Variants in LAMA2 observed in about 807,000 individuals in gnomAD.
The protein encoded by LAMA2 is laminin subunit alpha-2.
A neutral mutation model predicts 364.8 loss-of-function variants in LAMA2; 269 were observed. The ratio of observed to expected loss-of-function variants is 0.74; its 90% CI spans 0.67 to 0.82. The LOEUF is 0.82. Among genes scored for constraint, LAMA2 ranks in the 40% least tolerant of loss-of-function variants. The pLI, the probability that LAMA2 is intolerant of heterozygous loss-of-function variation, is 0.00. For missense variants in LAMA2, 3,807 were observed against 3,873.2 expected (o/e 0.98, Z 0.45); for synonymous variants, 1,379 against 1,370.6 (o/e 1.01, Z -0.14).
rs952931278 is a variant in LAMA2 at position 128,883,451 on chromosome 6, C to A, written c.112+94C>A. Reference sequence around the variant, plus strand: ...TCCGAGAGTTGCTGTCTGTGGACTGCCGTCTTGCTTCGCCTTCAGAGAGTG... The same window carrying A: ...TCCGAGAGTTGCTGTCTGTGGACTGACGTCTTGCTTCGCCTTCAGAGAGTG... On this transcript the variant is annotated intron_variant, in intron 1 of 64. Transcript: ENST00000421865. 59 of 1,535,486 alleles carry A rather than the reference C, an allele frequency of 3.8e-5. No individual in the cohort carries two copies. In the East Asian group the frequency reaches 1.4e-3, roughly 36 times the overall value.
rs368120033 is a variant in LAMA2 at position 129,312,992 on chromosome 6, C to T, written c.3306C>T (p.Arg1102=). The change falls in exon 23 of 65, where the codon CGC becomes CGT. Residue 1102 remains arginine (R), a synonymous_variant. Transcript: ENST00000421865. ...ECSRGHWNYP[R]CNLCDCFLPG... is the part of the protein sequence containing the mutation. The stretch of plus-strand genomic sequence containing the variant: ...GTCGAGGTCACTGGAACTACCCTCG[C>T]TGCAATCTCTGTGACTGCTTCCTCC... The T allele has an allele frequency of 6.2e-6, 10 of 1,614,034 alleles. No individual in the cohort carries two copies. In the African/African-American group the frequency reaches 1.3e-4, roughly 22 times the overall value.
chr6:129,391,436 T>A (rs1364320631), intron 35 of LAMA2, 55 bp from the exon 36 acceptor site: 8 of 1,436,784 alleles, frequency 5.6e-6, no homozygotes, highest in Admixed American at 3.3e-5. Context: ...GAATACCATG[T>A]TTTCATGTGG....
intron 3 of LAMA2, among the ~76,000 whole-genome samples, chr6:129,071,372 A>AT (rs967775087): frequency 6.6e-6 from 1 of 151,686 alleles, no homozygotes; most frequent in Admixed American, 6.6e-5. Context: ...GGCTTGATTG[A>AT]TTTTCTCTAT....
chr6:129,248,306 T>A (rs994598889), intron 12 of LAMA2, among the ~76,000 whole-genome samples: 7 of 152,212 alleles, frequency 4.6e-5, no homozygotes, highest in Non-Finnish European at 1.0e-4. Context: ...GCTGCAAGTT[T>A]CCATTATATG....
At chr6:129,342,571 C>A in intron 30 of LAMA2, 104 bp downstream of exon 30, 2 of 1,083,440 alleles carry the variant, frequency 1.8e-6, no homozygotes, top group Non-Finnish European at 2.7e-6. Context: ...ACAAAAATCT[C>A]AATTTAAGAT....
At chr6:129,347,781 T>A (rs987454572) in intron 30 of LAMA2, among the ~76,000 whole-genome samples, 2 of 152,178 alleles carry the variant, frequency 1.3e-5, no homozygotes, top group Non-Finnish European at 2.9e-5. Context: ...ATGGAATCCC[T>A]ACTCCCTCCA....
intron 1 of LAMA2, chr6:128,930,026 G>T: frequency 2.1e-6 from 1 of 472,664 alleles, no homozygotes; most frequent in Non-Finnish European, 3.8e-6. Context: ...CGGCGTTGCA[G>T]AGCACGGGGC....
intron 2 of LAMA2, among the ~76,000 whole-genome samples, chr6:129,058,409 G>A (rs780171636): frequency 1.3e-5 from 2 of 151,616 alleles, no homozygotes; most frequent in Non-Finnish European, 2.9e-5. Context: ...GGGTTGCCAC[G>A]CCTCCTATTT....
chr6:129,220,989 C>T (rs1037249593), intron 12 of LAMA2, among the ~76,000 whole-genome samples: 5 of 152,040 alleles, frequency 3.3e-5, no homozygotes, highest in African/African-American at 1.2e-4. Flanking sequence ...CGGTGAAACC[C>T]TGTCTCTACT....
rs1196130166 is a variant in LAMA2, at chr6:129,315,948, G to C, written c.3922G>C (p.Glu1308Gln). The C allele has an allele frequency of 6.2e-7, 1 of 1,613,924 alleles. No individual in the cohort carries two copies. The highest frequency in any genetic ancestry group is 8.5e-7 in the Non-Finnish European group (1 of 1,179,992). The part of the protein sequence containing the change: ...QLTRHEIEMT[E>Q]KEWKYYGDDP... ...GACAAGGCATGAAATTGAAATGACA[G>C]AGGTAAAGTTAGTCATTGTTTGGTG... The change falls in exon 26 of 65, where the codon GAG (glutamate) becomes CAG (glutamine). Residue 1308 changes from glutamate (E) to glutamine (Q), a missense_variant and splice_region_variant. By Grantham distance (29) the Glu-to-Gln change is conservative (BLOSUM62 2). Transcript: ENST00000421865.
At chr6:129,229,673 T>A (rs1784554407) in intron 12 of LAMA2, among the ~76,000 whole-genome samples, 1 of 152,116 alleles carries the variant, frequency 6.6e-6, no homozygotes, top group African/African-American at 2.4e-5. Context: ...ACCACAGTGA[T>A]AATGGTGAAA....
intron 10 of LAMA2, among the ~76,000 whole-genome samples, chr6:129,185,465 T>C (rs1781170613): frequency 6.6e-6 from 1 of 151,856 alleles, no homozygotes; most frequent in East Asian, 1.9e-4. Context: ...TTTTGTAGCG[T>C]AGGCCACAAC....
chr6:129,478,850 T>TA (rs1385772476), intron 54 of LAMA2, 37 bp downstream of exon 54: 1 of 1,588,392 alleles, frequency 6.3e-7, no homozygotes, highest in South Asian at 1.1e-5. Flanking sequence ...AACACATTTA[T>TA]ATCAGATTTC....
chr6:129,231,801 T>C (rs1050352699), intron 12 of LAMA2, among the ~76,000 whole-genome samples: 16 of 152,132 alleles, frequency 1.1e-4, no homozygotes, highest in African/African-American at 3.6e-4. Flanking sequence ...GAGGAACATA[T>C]GCCCTCCAAA....
chr6:129,445,969 TGG>T lies in LAMA2; in HGVS notation c.6429+152_6429+153del, dbSNP rs1313271512. 9.9e-6 allele frequency: 7 copies of T among 704,590 alleles called. No individual in the cohort carries two copies. In the East Asian group the frequency reaches 1.4e-4, roughly 14 times the overall value. The allele number at this position is 704,590 out of a possible 1,614,324, so 43.6% of individuals were successfully genotyped here. ...CGATTTGGGGTAGGAGGGGTTGGAG[TGG>T]GGGAGAGGTTAGTTTTGTTTTGTTT... On this transcript the variant is annotated intron_variant, in intron 45 of 64. Coordinates refer to ENST00000421865, the MANE Select transcript of LAMA2 (RefSeq NM_000426.4).
chr6:129,466,624 A>G (rs1287013282), intron 51 of LAMA2, among the ~76,000 whole-genome samples: 1 of 151,960 alleles, frequency 6.6e-6, no homozygotes, highest in Non-Finnish European at 1.5e-5. Flanking sequence ...GTTCAGTAAG[A>G]AGAATGTTTA....
At chr6:129,497,835 T>TAAAG (rs1253442380) in intron 58 of LAMA2, among the ~76,000 whole-genome samples, 1 of 152,238 alleles carries the variant, frequency 6.6e-6, no homozygotes, top group Non-Finnish European at 1.5e-5. Context: ...CACGCTAGAT[T>TAAAG]AAAGAGCATT....
At chr6:129,398,187 T>C (rs944245513) in intron 37 of LAMA2, among the ~76,000 whole-genome samples, 3 of 152,200 alleles carry the variant, frequency 2.0e-5, no homozygotes, top group African/African-American at 7.2e-5. Flanking sequence ...AAGATTCTTG[T>C]GTTTCTGTAC....
At chr6:129,216,300 T>C (rs1783420357) in intron 12 of LAMA2, among the ~76,000 whole-genome samples, 1 of 152,196 alleles carries the variant, frequency 6.6e-6, no homozygotes, top group Admixed American at 6.5e-5. Flanking sequence ...AAAACATGCC[T>C]TTCATACATT....
Sources: gnomAD v4.1 joint callset for allele counts (sites outside exome capture counted in the v4.1 genomes callset) on GRCh38, gnomAD v4.1.1 for gene constraint, MANE v1.5 for transcripts, NCBI Gene and HGNC (gene_info 2026-07-23, HGNC 2026-07-21) for gene names.